Variants in WASHC5 observed in about 807,000 individuals in gnomAD.
WASHC5 encodes the protein WASH complex subunit 5, also known as WASH complex subunit strumpellin.
WASHC5 carries 101 observed loss-of-function variants against 150.4 expected under a neutral mutation model. The ratio of observed to expected loss-of-function variants is 0.67; its 90% CI spans 0.57 to 0.79. The LOEUF (loss-of-function observed/expected upper bound fraction) is 0.79, where lower values mean the gene tolerates loss of function less well. WASHC5 is among the 30% of genes least tolerant of loss of function. The pLI is 0.00. For missense variants in WASHC5, 1,195 were observed against 1,396.3 expected, an observed-to-expected ratio of 0.86 and a Z score of 2.30; for synonymous variants, 467 against 491.2, an observed-to-expected ratio of 0.95 and a Z score of 0.65.
chr8:125,055,146 G>A (rs112238583), intron 17 of WASHC5, among the ~76,000 whole-genome samples: 4,260 of 152,234 alleles, frequency 0.028, 204 homozygotes, highest in African/African-American at 0.098. Context: ...AAAACGGGCT[G>A]GGCACCGTGG....
chr8:125,075,595 T>C (rs1016533249), intron 7 of WASHC5, among the ~76,000 whole-genome samples: 2 of 152,210 alleles, frequency 1.3e-5, no homozygotes, highest in African/African-American at 4.8e-5. Context: ...ATCAGTGTTT[T>C]CCTCTTGGCT....
intron 17 of WASHC5, among the ~76,000 whole-genome samples, chr8:125,053,057 T>C (rs1273543685): frequency 6.6e-6 from 1 of 152,094 alleles, no homozygotes; most frequent in African/African-American, 2.4e-5. Context: ...ACAGTATGGG[T>C]ATCATATGAA....
At chr8:125,082,508 G>T in intron 3 of WASHC5, 41 bp from the exon 4 acceptor site, 9 of 1,124,456 alleles carry the variant, frequency 8.0e-6, no homozygotes, top group Non-Finnish European at 1.1e-5. Flanking sequence ...ATTTATAATA[G>T]AAACTTTAAC....
Position 125,079,135 on chromosome 8 carries a change from T to TATATATATATATATACATAC in WASHC5, c.519-206_519-205insGTATGTATATATATATATAT, listed in dbSNP as rs35442808. Among the ~76,000 whole-genome samples, 21 of 117,484 alleles carry TATATATATATATATACATAC rather than the reference T, an allele frequency of 1.8e-4. No homozygotes were observed. The South Asian group carries it at 5.4e-3, about 30-fold the overall frequency. The allele number at this position is 117,484 out of a possible 152,430, so 77.1% of individuals were successfully genotyped here. A position where few individuals can be genotyped will look rare whatever the true frequency, so the allele number is the denominator to read the frequency against. ...GTGTGTGTATATATATATATATATA[T>TATATATATATATATACATAC]ATATACATTTTTTTTTGAGATGGAG... On this transcript the variant is annotated intron_variant, in intron 5 of 28. Transcript: ENST00000318410.
intron 27 of WASHC5, among the ~76,000 whole-genome samples, chr8:125,029,370 C>T (rs184323485): frequency 6.9e-4 from 105 of 152,232 alleles, no homozygotes; most frequent in African/African-American, 2.2e-3. Flanking sequence ...AGACATTGTT[C>T]GAGTCTCAGC....
intron 26 of WASHC5, among the ~76,000 whole-genome samples, chr8:125,034,709 C>T (rs1815647899): frequency 6.6e-6 from 1 of 152,258 alleles, no homozygotes; most frequent in Non-Finnish European, 1.5e-5. Context: ...GGAAAATCTT[C>T]CCCAAACCAG....
intron 28 of WASHC5, among the ~76,000 whole-genome samples, chr8:125,024,908 A>T (rs766096156): frequency 3.3e-5 from 5 of 151,960 alleles, no homozygotes; most frequent in Non-Finnish European, 7.4e-5. Context: ...CCCGCCTCCA[A>T]ATCTGAGCTT....
chr8:125,072,159 A>G (rs1210666441), intron 9 of WASHC5, among the ~76,000 whole-genome samples: 4 of 151,924 alleles, frequency 2.6e-5, no homozygotes, highest in African/African-American at 7.3e-5. Context: ...TGGCCAACAC[A>G]GTGAAACACT....
At chr8:125,045,781 T>C (rs902951513) in intron 20 of WASHC5, among the ~76,000 whole-genome samples, 4 of 152,352 alleles carry the variant, frequency 2.6e-5, no homozygotes, top group Admixed American at 6.5e-5. Flanking sequence ...AAGTACACTC[T>C]GATGTGTCAC....
At chr8:125,085,049 A>C (rs1402102592) in intron 1 of WASHC5, among the ~76,000 whole-genome samples, 1 of 152,228 alleles carries the variant, frequency 6.6e-6, no homozygotes, top group Non-Finnish European at 1.5e-5. Context: ...ATTCCTTGGC[A>C]CTGACAAGTA....
chr8:125,037,665 T>C (rs988266147), intron 25 of WASHC5, among the ~76,000 whole-genome samples: 1 of 151,146 alleles, frequency 6.6e-6, no homozygotes, highest in Non-Finnish European at 1.5e-5. Flanking sequence ...TGAAGAGCAG[T>C]TGAGGAAGAG....
chr8:125,043,631 A>C (rs1815960470), intron 23 of WASHC5, among the ~76,000 whole-genome samples, 194 bp downstream of exon 23: 1 of 152,266 alleles, frequency 6.6e-6, no homozygotes, highest in African/African-American at 2.4e-5. Context: ...GGCTCCTAAA[A>C]AGCCTAATCA....
chr8:125,065,272 G>T (rs139042014), intron 10 of WASHC5, among the ~76,000 whole-genome samples: 1 of 152,158 alleles, frequency 6.6e-6, no homozygotes, highest in East Asian at 1.9e-4. Context: ...AAAGAACCCA[G>T]CTGAAATGTC....
chr8:125,073,435 A>ATGAAGAT, intron 8 of WASHC5, 111 bp from the exon 9 acceptor site: 1 of 916,826 alleles, frequency 1.1e-6, no homozygotes. Context: ...AGGATGAATG[A>ATGAAGAT]CATATGGATT....
intron 21 of WASHC5, 79 bp downstream of exon 21, chr8:125,044,457 G>A: frequency 6.7e-7 from 1 of 1,494,768 alleles, no homozygotes; most frequent in Admixed American, 1.7e-5. Context: ...GGTTAAGTGA[G>A]TTCAAACTGC....
intron 20 of WASHC5, 129 bp downstream of exon 20, chr8:125,047,077 TA>T: frequency 1.7e-6 from 2 of 1,155,912 alleles, no homozygotes; most frequent in South Asian, 1.3e-5. Context: ...ACCCTTGCCC[TA>T]AAGGGTCAGA....
intron 11 of WASHC5, among the ~76,000 whole-genome samples, chr8:125,063,049 C>A (rs1816648196): frequency 6.6e-6 from 1 of 152,056 alleles, no homozygotes; most frequent in South Asian, 2.1e-4. Flanking sequence ...GAACAAGAAT[C>A]AAGCAAAATC....
At chr8:125,082,547 G>A (rs1292019579) in intron 3 of WASHC5, 80 bp from the exon 4 acceptor site, 1 of 848,396 alleles carries the variant, frequency 1.2e-6, no homozygotes, top group Non-Finnish European at 2.0e-6. Context: ...ATTTTTAAAA[G>A]ATAAGGCAGG....
intron 17 of WASHC5, among the ~76,000 whole-genome samples, chr8:125,051,625 C>T (rs773857992): frequency 3.3e-5 from 5 of 152,178 alleles, no homozygotes; most frequent in Non-Finnish European, 5.9e-5. Context: ...TGGTGACTCA[C>T]GCCTGTAATC....
Sources: allele counts gnomAD v4.1 joint callset (sites outside exome capture counted in the v4.1 genomes callset), GRCh38; gene constraint gnomAD v4.1.1; transcripts MANE v1.5; gene names NCBI Gene and HGNC (gene_info 2026-07-23, HGNC 2026-07-21).